The following HS3ST5 variants were observed in gnomAD, a reference collection of about 807,000 sequenced individuals.
HS3ST5 encodes the protein heparan sulfate glucosamine 3-O-sulfotransferase 5.
In HS3ST5, 10 loss-of-function variants were observed where a neutral mutation model predicts 25.4. The ratio of observed to expected loss-of-function variants is 0.39; its 90% confidence interval spans 0.24 to 0.67. The LOEUF is 0.67. Ranked by LOEUF, HS3ST5 falls within the 30% of genes least tolerant of loss-of-function variation. The pLI is 0.44. For synonymous variants in HS3ST5, 170 were observed against 162.4 expected (o/e 1.05, Z -0.36); for missense variants, 324 against 420.7 (o/e 0.77, Z 2.01).
chr6:114,298,996 AG>A (rs1314387546), intron 1 of HS3ST5, among the ~76,000 whole-genome samples: 1 of 152,254 alleles, frequency 6.6e-6, no homozygotes, highest in African/African-American at 2.4e-5. Context: ...AGCAATGTTC[AG>A]GGAACAAGAG....
At position 114,058,163 on chromosome 6, in the gene HS3ST5, A is replaced by G. The variant is rs751190125; in HGVS notation, c.135T>C (p.Gly45=). The change falls in exon 5 of 5, where the codon GGT becomes GGC. Residue 45 remains glycine (G), a synonymous_variant. Transcript: ENST00000312719. The part of the protein sequence containing the change: ...DRLQPICPIE[G]RLGGARTQAE... ...CCTGAGTGCGGGCTCCACCCAGTCG[A>G]CCTTCAATGGGGCAAATGGGTTGTA... The G allele has an allele frequency of 4.4e-6, 7 of 1,607,860 alleles. No homozygotes were observed. The highest frequency in any genetic ancestry group is 8.5e-7 in the Non-Finnish European group (1 of 1,175,294).
At chr6:114,131,934 T>C (rs1777357591) in intron 3 of HS3ST5, 3 of 152,230 alleles carry the variant, frequency 2.0e-5, no homozygotes, top group Admixed American at 2.0e-4. Flanking sequence ...GAAATTCCTC[T>C]CTCATTATCA....
chr6:114,108,608 C>G (rs1438037219), intron 3 of HS3ST5, among the ~76,000 whole-genome samples: 1 of 151,934 alleles, frequency 6.6e-6, no homozygotes, highest in Admixed American at 6.6e-5. Flanking sequence ...CTGACAGCTC[C>G]AAAGGGAAAA....
At chr6:114,269,025 T>G (rs1164213250) in intron 1 of HS3ST5, among the ~76,000 whole-genome samples, 1 of 152,232 alleles carries the variant, frequency 6.6e-6, no homozygotes, top group Non-Finnish European at 1.5e-5. Flanking sequence ...CTTCCAACAC[T>G]TAACATTTTA....
intron 2 of HS3ST5, among the ~76,000 whole-genome samples, chr6:114,205,617 A>T (rs920525401): frequency 6.6e-6 from 1 of 152,172 alleles, no homozygotes; most frequent in African/African-American, 2.4e-5. Context: ...CTGGACATCA[A>T]CTGGTGGGGC....
intron 2 of HS3ST5, among the ~76,000 whole-genome samples, chr6:114,173,945 C>T (rs1034241988): frequency 6.6e-6 from 1 of 152,126 alleles, no homozygotes; most frequent in South Asian, 2.1e-4. Context: ...GCAATGCAGA[C>T]TCTGCCTATT....
chr6:114,188,692 C>T (rs1780347747), intron 2 of HS3ST5, among the ~76,000 whole-genome samples: 1 of 152,058 alleles, frequency 6.6e-6, no homozygotes, highest in Admixed American at 6.6e-5. Context: ...ATTGGTGTCA[C>T]TCTTGGAGGA....
intron 1 of HS3ST5, among the ~76,000 whole-genome samples, chr6:114,323,751 G>A (rs1223358591): frequency 6.6e-6 from 1 of 152,090 alleles, no homozygotes; most frequent in African/African-American, 2.4e-5. Context: ...CTCAGTAAAT[G>A]GAAAAATAAA....
At chr6:114,139,079 C>T (rs1396112161) in intron 3 of HS3ST5, among the ~76,000 whole-genome samples, 1 of 152,178 alleles carries the variant, frequency 6.6e-6, no homozygotes, top group African/African-American at 2.4e-5. Context: ...AGCAGGAGTG[C>T]ACTTTGCCAA....
At chr6:114,279,937 G>C (rs1203443994) in intron 1 of HS3ST5, among the ~76,000 whole-genome samples, 1 of 151,934 alleles carries the variant, frequency 6.6e-6, no homozygotes, top group Non-Finnish European at 1.5e-5. Context: ...AGCTAGGAAG[G>C]TTCCCATACA....
intron 2 of HS3ST5, among the ~76,000 whole-genome samples, chr6:114,197,361 T>G (rs907872235): frequency 1.1e-4 from 17 of 152,164 alleles, no homozygotes; most frequent in African/African-American, 4.1e-4. Context: ...TCCCATATAC[T>G]CTACAATAAT....
intron 3 of HS3ST5, among the ~76,000 whole-genome samples, chr6:114,162,413 T>C (rs977810043): frequency 7.9e-5 from 12 of 152,216 alleles, no homozygotes; most frequent in African/African-American, 2.9e-4. Flanking sequence ...CTTCTGTTCC[T>C]GTTATCACTT....
intron 1 of HS3ST5, among the ~76,000 whole-genome samples, chr6:114,330,046 GTGGGAGTGGTATAAATGTCCCCAT>G (rs2114912225): frequency 6.6e-6 from 1 of 152,254 alleles, no homozygotes; most frequent in East Asian, 1.9e-4. Flanking sequence ...GCACAGTCCG[GTGGGAGTGGTATAAATGTCCCCAT>G]TTCCATGACA....
At chr6:114,275,150 T>C (rs1773794415) in intron 1 of HS3ST5, among the ~76,000 whole-genome samples, 1 of 151,530 alleles carries the variant, frequency 6.6e-6, no homozygotes, top group African/African-American at 2.4e-5. Flanking sequence ...TATTCTACTT[T>C]GCATTTGTTG....
At chr6:114,216,107 C>T (rs1290853297) in intron 2 of HS3ST5, among the ~76,000 whole-genome samples, 1 of 152,102 alleles carries the variant, frequency 6.6e-6, no homozygotes, top group Non-Finnish European at 1.5e-5. Flanking sequence ...AAGACCTTAC[C>T]ACAAAGAGGA....
intron 3 of HS3ST5, among the ~76,000 whole-genome samples, chr6:114,115,097 C>A (rs1164863166): frequency 6.6e-6 from 1 of 151,998 alleles, no homozygotes; most frequent in African/African-American, 2.4e-5. Flanking sequence ...ATAATAAAAC[C>A]TATATGAGGA....
intron 4 of HS3ST5, 67 bp from the exon 5 acceptor site, chr6:114,058,257 C>A: frequency 1.7e-6 from 2 of 1,209,686 alleles, no homozygotes; most frequent in South Asian, 3.0e-5. Context: ...GTTCCCCAGT[C>A]AGACCAAGAC....
chr6:114,172,297 C>T (rs1218095449), intron 2 of HS3ST5, among the ~76,000 whole-genome samples: 1 of 152,240 alleles, frequency 6.6e-6, no homozygotes, highest in Non-Finnish European at 1.5e-5. Context: ...GATATCCCCG[C>T]TCAAGAGCTA....
At chr6:114,200,916 C>T (rs902275731) in intron 2 of HS3ST5, among the ~76,000 whole-genome samples, 8 of 152,146 alleles carry the variant, frequency 5.3e-5, no homozygotes, top group Admixed American at 3.3e-4. Context: ...ATAACCAGTA[C>T]TATTTTGTAC....
Sources: gnomAD v4.1 joint callset for allele counts (sites outside exome capture counted in the v4.1 genomes callset) on GRCh38, gnomAD v4.1.1 for gene constraint, MANE v1.5 for transcripts, NCBI Gene and HGNC (gene_info 2026-07-23, HGNC 2026-07-21) for gene names.